The following KCNAB1 variants were observed in gnomAD, a reference collection of about 807,000 sequenced individuals.
The protein encoded by KCNAB1 is voltage-gated potassium channel subunit beta-1.
Under a neutral mutation model 64.6 loss-of-function variants are expected in KCNAB1, and 35 were observed. The observed-to-expected ratio is 0.54, with a 90% CI of 0.41 to 0.72. The LOEUF (loss-of-function observed/expected upper bound fraction) is 0.72. KCNAB1 is among the 30% of genes least tolerant of loss of function. KCNAB1 has a pLI of 0.00. For synonymous variants in KCNAB1, 177 were observed against 183.8 expected, an observed-to-expected ratio of 0.96 and a Z score of 0.30; for missense variants, 401 against 512.9, an observed-to-expected ratio of 0.78 and a Z score of 2.11.
At chr3:156,212,471 G>C (rs1181648856) in intron 1 of KCNAB1, among the ~76,000 whole-genome samples, 1 of 152,148 alleles carries the variant, frequency 6.6e-6, no homozygotes, top group Non-Finnish European at 1.5e-5. Context: ...CAGGCTGTGG[G>C]CCAGGCTTTA....
chr3:156,143,382 G>T, intron 1 of KCNAB1: 2 of 1,605,390 alleles, frequency 1.2e-6, no homozygotes, highest in South Asian at 1.1e-5. Flanking sequence ...GAATTTCGTT[G>T]CAGGAAACCA....
At chr3:156,384,614 C>G (rs781447556) in intron 1 of KCNAB1, among the ~76,000 whole-genome samples, 2 of 152,158 alleles carry the variant, frequency 1.3e-5, no homozygotes, top group Non-Finnish European at 2.9e-5. Flanking sequence ...AAATAAGGAC[C>G]TTTCTAGAGG....
intron 8 of KCNAB1, among the ~76,000 whole-genome samples, chr3:156,483,583 C>T (rs555610522): frequency 6.6e-6 from 1 of 152,218 alleles, no homozygotes; most frequent in Admixed American, 6.5e-5. Context: ...CTGCCTATGT[C>T]TCACAAGCTA....
chr3:156,380,313 T>C (rs1229060127), intron 1 of KCNAB1, among the ~76,000 whole-genome samples: 1 of 152,242 alleles, frequency 6.6e-6, no homozygotes, highest in East Asian at 1.9e-4. Flanking sequence ...CCAGTGTACC[T>C]TGATTTTGTG....
chr3:156,240,595 G>C (rs1237353027), intron 1 of KCNAB1, among the ~76,000 whole-genome samples: 1 of 152,088 alleles, frequency 6.6e-6, no homozygotes, highest in African/African-American at 2.4e-5. Flanking sequence ...ATAATGTATT[G>C]AGTTTCTAAT....
chr3:156,167,854 G>T (rs562702326), intron 1 of KCNAB1, among the ~76,000 whole-genome samples: 15 of 152,230 alleles, frequency 9.9e-5, no homozygotes, highest in Non-Finnish European at 2.1e-4. Context: ...TCTCATTTTT[G>T]ATATCTATTA....
chr3:156,153,911 G>A (rs1307451014), intron 1 of KCNAB1, among the ~76,000 whole-genome samples: 1 of 152,186 alleles, frequency 6.6e-6, no homozygotes, highest in African/African-American at 2.4e-5. Flanking sequence ...AGTTGCATGA[G>A]CTAGTTCCTT....
At chr3:156,525,485 T>A (rs1317341052) in intron 12 of KCNAB1, among the ~76,000 whole-genome samples, 1 of 152,238 alleles carries the variant, frequency 6.6e-6, no homozygotes, top group African/African-American at 2.4e-5. Flanking sequence ...TTAAGCTATG[T>A]TATTACAAAT....
intron 1 of KCNAB1, among the ~76,000 whole-genome samples, chr3:156,179,943 T>C (rs1712696492): frequency 1.3e-5 from 2 of 152,358 alleles, no homozygotes; most frequent in Middle Eastern, 3.4e-3. Context: ...GGCTCTGTAT[T>C]AGTCACTTTA....
chr3:156,483,137 C>A lies in KCNAB1; in HGVS notation c.658+8317C>A, dbSNP rs533210376. ...CTGTTCTCTCTATCTACCACATTGACCTTCTCCGTGGTGTGATTATATAGG... is the reference window on the plus strand; with the variant it reads ...CTGTTCTCTCTATCTACCACATTGAACTTCTCCGTGGTGTGATTATATAGG... On this transcript the variant is annotated intron_variant, in intron 8 of 13. Transcript: ENST00000490337. 3.2e-4 allele frequency among the ~76,000 whole-genome samples: 49 copies of A among 152,178 alleles called. No homozygotes were observed. The South Asian group carries it at 9.8e-3, about 30-fold the overall frequency.
At chr3:156,288,485 T>C (rs1442221340) in intron 1 of KCNAB1, among the ~76,000 whole-genome samples, 2 of 152,244 alleles carry the variant, frequency 1.3e-5, no homozygotes, top group East Asian at 3.8e-4. Flanking sequence ...CCAAGTCTAA[T>C]TGACATGTGG....
intron 1 of KCNAB1, among the ~76,000 whole-genome samples, chr3:156,340,290 A>G (rs1724009506): frequency 1.3e-5 from 2 of 152,178 alleles, no homozygotes; most frequent in African/African-American, 4.8e-5. Flanking sequence ...TAAAACCCCC[A>G]AAGTCCTTAG....
chr3:156,350,488 CAG>C (rs1320353508), intron 1 of KCNAB1, among the ~76,000 whole-genome samples: 2 of 142,660 alleles, frequency 1.4e-5, no homozygotes, highest in African/African-American at 5.3e-5. Context: ...GCCCCAGCAA[CAG>C]AGTGAGACCC....
chr3:156,172,971 G>A (rs1476329775), intron 1 of KCNAB1, among the ~76,000 whole-genome samples: 1 of 152,242 alleles, frequency 6.6e-6, no homozygotes, highest in Non-Finnish European at 1.5e-5. Context: ...TCAGAAGCTA[G>A]TGTGGGTATT....
At chr3:156,239,204 CATG>C (rs1351959811) in intron 1 of KCNAB1, among the ~76,000 whole-genome samples, 1 of 152,200 alleles carries the variant, frequency 6.6e-6, no homozygotes, top group Non-Finnish European at 1.5e-5. Flanking sequence ...ATATGGAATA[CATG>C]ATAAGTTTGT....
intron 1 of KCNAB1, among the ~76,000 whole-genome samples, chr3:156,333,249 G>A (rs1475802318): frequency 6.6e-6 from 1 of 151,668 alleles, no homozygotes; most frequent in Non-Finnish European, 1.5e-5. Context: ...GTTCCTCTAC[G>A]CTGGACTGTA....
At chr3:156,257,432 G>C (rs1718158807) in intron 1 of KCNAB1, among the ~76,000 whole-genome samples, 1 of 152,122 alleles carries the variant, frequency 6.6e-6, no homozygotes, top group African/African-American at 2.4e-5. Context: ...AAAGGAACTG[G>C]AGAACCTGAA....
intron 1 of KCNAB1, among the ~76,000 whole-genome samples, chr3:156,234,883 A>G (rs1302934540): frequency 6.6e-6 from 1 of 152,192 alleles, no homozygotes; most frequent in Non-Finnish European, 1.5e-5. Flanking sequence ...TTGCTATTAT[A>G]AGAAATGTGA....
At chr3:156,264,283 G>A (rs977037495) in intron 1 of KCNAB1, among the ~76,000 whole-genome samples, 3 of 151,442 alleles carry the variant, frequency 2.0e-5, no homozygotes, top group African/African-American at 7.3e-5. Context: ...TATATTTTTC[G>A]TTGAATCTAA....
Sources: gnomAD v4.1 joint callset for allele counts (sites outside exome capture counted in the v4.1 genomes callset) on GRCh38, gnomAD v4.1.1 for gene constraint, MANE v1.5 for transcripts, NCBI Gene and HGNC (gene_info 2026-07-23, HGNC 2026-07-21) for gene names.